The following NR6A1 variants were observed in gnomAD, a reference collection of about 807,000 sequenced individuals.
The protein encoded by NR6A1 is nuclear receptor subfamily 6 group A member 1.
Under a neutral mutation model 59.1 loss-of-function variants are expected in NR6A1, and 7 were observed. That is an observed-to-expected ratio of 0.12 (90% CI 0.07 to 0.22). The LOEUF is 0.22. Ranked by LOEUF, NR6A1 falls within the 10% of genes least tolerant of loss-of-function variation. NR6A1 has a pLI of 1.00. For synonymous variants in NR6A1, 243 were observed against 236.1 expected (o/e 1.03, Z -0.27); for missense variants, 468 against 611.6 (o/e 0.77, Z 2.48).
rs1832802251 is a variant in NR6A1, at chr9:124,521,551, C to T, written c.*1154G>A. The T allele has an allele frequency of 6.6e-6, 1 of 152,238 alleles. No homozygotes were observed. Among genetic ancestry groups the T allele is most frequent in the African/African-American group, 2.4e-5 (1 of 41,426 alleles). The allele number at this position is 152,238 out of a possible 1,614,324, so 9.4% of individuals were successfully genotyped here. A position where few individuals can be genotyped will look rare whatever the true frequency, so the allele number is the denominator to read the frequency against. On this transcript the variant is annotated 3_prime_UTR_variant, in exon 10 of 10. Transcript: ENST00000487099. ...AGGGGCAACATTTCTGGTCAGCAGACAGGTGAATGGTCCTTCTCATTGTTT... is the reference window on the plus strand; with the variant it reads ...AGGGGCAACATTTCTGGTCAGCAGATAGGTGAATGGTCCTTCTCATTGTTT...
At chr9:124,548,419 C>T (rs962579006) in intron 3 of NR6A1, among the ~76,000 whole-genome samples, 1 of 152,126 alleles carries the variant, frequency 6.6e-6, no homozygotes, top group African/African-American at 2.4e-5. Context: ...TTTAGCTCAG[C>T]TGAACTTGAT....
chr9:124,588,745 C>A (rs1439884486), intron 2 of NR6A1, among the ~76,000 whole-genome samples: 1 of 148,986 alleles, frequency 6.7e-6, no homozygotes, highest in Non-Finnish European at 1.5e-5. Flanking sequence ...ACGTGAAACC[C>A]CGTCTCTACT....
chr9:124,554,705 C>T (rs955122767), intron 2 of NR6A1, 135 bp from the exon 3 acceptor site: 29 of 1,084,348 alleles, frequency 2.7e-5, no homozygotes, highest in Non-Finnish European at 3.7e-5. Flanking sequence ...GGCCCATCTT[C>T]GGATCCTTGT....
intron 1 of NR6A1, among the ~76,000 whole-genome samples, chr9:124,767,831 C>T (rs998247486): frequency 1.1e-4 from 17 of 152,204 alleles, no homozygotes; most frequent in Non-Finnish European, 2.5e-4. Context: ...CTTATAATGG[C>T]TTATAACCTT....
chr9:124,525,403 C>T (rs561211771), intron 8 of NR6A1, among the ~76,000 whole-genome samples: 2 of 152,024 alleles, frequency 1.3e-5, no homozygotes, highest in African/African-American at 2.4e-5. Flanking sequence ...CTCACTCTGT[C>T]ACCTAGGCTG....
intron 2 of NR6A1, among the ~76,000 whole-genome samples, chr9:124,721,668 C>G (rs577705161): frequency 2.7e-4 from 41 of 152,312 alleles, no homozygotes; most frequent in African/African-American, 9.1e-4. Flanking sequence ...ATGAATCATT[C>G]TACTTTGTGT....
intron 2 of NR6A1, among the ~76,000 whole-genome samples, chr9:124,670,522 C>A (rs1204378188): frequency 2.0e-5 from 3 of 149,224 alleles, no homozygotes; most frequent in African/African-American, 7.8e-5. Context: ...TTATTATATT[C>A]TGACATTATG....
intron 2 of NR6A1, among the ~76,000 whole-genome samples, chr9:124,713,344 A>C (rs938400807): frequency 6.6e-6 from 1 of 152,168 alleles, no homozygotes; most frequent in African/African-American, 2.4e-5. Context: ...TGGGTTTGGC[A>C]ATGGTTTATT....
At chr9:124,566,404 G>A (rs1453673497) in intron 2 of NR6A1, among the ~76,000 whole-genome samples, 1 of 152,074 alleles carries the variant, frequency 6.6e-6, no homozygotes, top group Non-Finnish European at 1.5e-5. Flanking sequence ...TAATTAAAAA[G>A]CTGAAAATAA....
intron 2 of NR6A1, among the ~76,000 whole-genome samples, chr9:124,561,471 G>C (rs961690364): frequency 6.6e-6 from 1 of 152,108 alleles, no homozygotes; most frequent in Non-Finnish European, 1.5e-5. Flanking sequence ...ACAACTGTTT[G>C]AGAATGAATA....
At chr9:124,629,176 T>A (rs1249252104) in intron 2 of NR6A1, among the ~76,000 whole-genome samples, 1 of 152,150 alleles carries the variant, frequency 6.6e-6, no homozygotes, top group Non-Finnish European at 1.5e-5. Context: ...CATTTTCTAC[T>A]GGTGTGCAGA....
chr9:124,629,503 A>G (rs1836359890), intron 2 of NR6A1, among the ~76,000 whole-genome samples: 1 of 152,236 alleles, frequency 6.6e-6, no homozygotes, highest in East Asian at 1.9e-4. Flanking sequence ...CCATTTTACC[A>G]GTGAAGAAAC....
chr9:124,748,127 A>G (rs893047129), intron 1 of NR6A1, among the ~76,000 whole-genome samples: 1 of 152,244 alleles, frequency 6.6e-6, no homozygotes, highest in Non-Finnish European at 1.5e-5. Flanking sequence ...GCAAGTTTCT[A>G]ATATTAAGAT....
chr9:124,532,127 T>C (rs541405858), intron 7 of NR6A1, among the ~76,000 whole-genome samples: 24 of 152,354 alleles, frequency 1.6e-4, no homozygotes, highest in African/African-American at 5.8e-4. Context: ...CTTGCCTGTA[T>C]CTTTCTCTCT....
chr9:124,763,093 C>T (rs1840825468), intron 1 of NR6A1, among the ~76,000 whole-genome samples: 1 of 152,222 alleles, frequency 6.6e-6, no homozygotes, highest in Non-Finnish European at 1.5e-5. Context: ...CATAATCACA[C>T]AAGCACTTTG....
At chr9:124,523,568 C>G (rs1293546330) in intron 9 of NR6A1, among the ~76,000 whole-genome samples, 2 of 151,192 alleles carry the variant, frequency 1.3e-5, no homozygotes, top group Non-Finnish European at 2.9e-5. Flanking sequence ...GCCGCCAAGG[C>G]TGAGGACCCA....
Position 124,710,712 on chromosome 9 carries a change from C to T in NR6A1, c.142+22596G>A, listed in dbSNP as rs151085839. 4.5e-3 allele frequency among the ~76,000 whole-genome samples: 687 copies of T among 152,230 alleles called. 5 individuals carry two copies. The highest frequency in any genetic ancestry group is 0.015 in the African/African-American group (642 of 41,526). ...ATTAATACAATTCAATGTTTATAAA[C>T]GAATGAGACTCTAGTATTCTACTAA... On this transcript the variant is annotated intron_variant, in intron 2 of 9. Transcript: ENST00000487099.
chr9:124,585,617 C>T (rs1270329095), intron 2 of NR6A1, among the ~76,000 whole-genome samples: 1 of 150,394 alleles, frequency 6.6e-6, no homozygotes, highest in African/African-American at 2.4e-5. Flanking sequence ...GCAAGTTATC[C>T]AGAAGATCAA....
intron 2 of NR6A1, among the ~76,000 whole-genome samples, chr9:124,585,493 G>A (rs1181756712): frequency 7.5e-6 from 1 of 134,088 alleles, no homozygotes; most frequent in African/African-American, 2.8e-5. Context: ...GCAGTGAGCC[G>A]AGATCACGCC....
Sources: gnomAD v4.1 joint callset for allele counts (sites outside exome capture counted in the v4.1 genomes callset) on GRCh38, gnomAD v4.1.1 for gene constraint, MANE v1.5 for transcripts, NCBI Gene and HGNC (gene_info 2026-07-23, HGNC 2026-07-21) for gene names.